RCAN2: variants seen among roughly 807,000 people sequenced by gnomAD.
The protein encoded by RCAN2 is calcipressin-2.
A neutral mutation model predicts 23.6 loss-of-function variants in RCAN2; 9 were observed. The observed-to-expected ratio is 0.38, with a 90% CI of 0.23 to 0.67. RCAN2 has a LOEUF of 0.67. RCAN2 is among the 30% of genes least tolerant of loss of function. The probability of loss-of-function intolerance (pLI) is 0.51; values close to 1 mark genes in which losing one functional copy is unlikely to be tolerated. For synonymous variants in RCAN2, 109 were observed against 115.7 expected (o/e 0.94, Z 0.37); for missense variants, 273 against 302.3 (o/e 0.90, Z 0.72).
intron 2 of RCAN2, among the ~76,000 whole-genome samples, chr6:46,408,247 G>C (rs1766456134): frequency 6.6e-6 from 1 of 152,116 alleles, no homozygotes; most frequent in African/African-American, 2.4e-5. Flanking sequence ...ATTTTGCTCA[G>C]GTACCTGTTT....
intron 4 of RCAN2, among the ~76,000 whole-genome samples, chr6:46,223,542 T>TCCTTTAC (rs1267280137): frequency 1.3e-5 from 2 of 152,168 alleles, no homozygotes; most frequent in African/African-American, 4.8e-5. Context: ...AGCCTCCACA[T>TCCTTTAC]CCTTTACCGT....
intron 2 of RCAN2, among the ~76,000 whole-genome samples, chr6:46,259,305 A>T (rs576542001): frequency 9.2e-5 from 14 of 152,358 alleles, no homozygotes; most frequent in Admixed American, 8.5e-4. Flanking sequence ...AAAATATATA[A>T]CCACATGAAT....
At chr6:46,468,490 G>C (rs866348868) in intron 1 of RCAN2, among the ~76,000 whole-genome samples, 1 of 152,146 alleles carries the variant, frequency 6.6e-6, no homozygotes, top group Non-Finnish European at 1.5e-5. Context: ...CACCACAGCC[G>C]CGCCAACGCC....
intron 2 of RCAN2, among the ~76,000 whole-genome samples, chr6:46,420,855 T>C (rs1766867400): frequency 1.3e-5 from 2 of 152,272 alleles, no homozygotes; most frequent in East Asian, 1.9e-4. Context: ...CCTGATCAAC[T>C]ATTTTTAACT....
In RCAN2 at chr6:46,346,934, G is replaced by C. The variant is rs925180280; in HGVS notation, c.226-98038C>G. Among the ~76,000 whole-genome samples the C allele has an allele frequency of 2.0e-5, 3 of 151,902 alleles. No homozygotes were observed. The South Asian group carries it at 6.2e-4, about 31-fold the overall frequency. On this transcript the variant is annotated intron_variant, in intron 2 of 4. Coordinates refer to ENST00000371374, the MANE Select transcript of RCAN2 (RefSeq NM_001251974.2). ...TCTGTCACCCAGGCTGGAGTGCAGTGGCGTGATCTCCGCTCACTGCAAGCT... is the reference window on the plus strand; with the variant it reads ...TCTGTCACCCAGGCTGGAGTGCAGTCGCGTGATCTCCGCTCACTGCAAGCT...
intron 2 of RCAN2, among the ~76,000 whole-genome samples, chr6:46,404,062 A>G (rs1401671113): frequency 6.6e-6 from 1 of 152,206 alleles, no homozygotes; most frequent in Non-Finnish European, 1.5e-5. Context: ...TCTCTACTAA[A>G]AATACAAAAA....
At chr6:46,411,283 G>A (rs1343540761) in intron 2 of RCAN2, among the ~76,000 whole-genome samples, 1 of 152,208 alleles carries the variant, frequency 6.6e-6, no homozygotes, top group African/African-American at 2.4e-5. Flanking sequence ...GGCACCTAGT[G>A]TAGTCAAATT....
chr6:46,339,278 A>G (rs2150371594), intron 2 of RCAN2, among the ~76,000 whole-genome samples: 1 of 152,240 alleles, frequency 6.6e-6, no homozygotes, highest in South Asian at 2.1e-4. Context: ...GTCATAAATG[A>G]TATGAATACA....
intron 2 of RCAN2, among the ~76,000 whole-genome samples, chr6:46,324,562 G>A (rs1763728383): frequency 6.6e-6 from 1 of 152,234 alleles, no homozygotes; most frequent in Admixed American, 6.5e-5. Flanking sequence ...ATGTGTGAGT[G>A]AACTGTTTAA....
rs1022167424 is a variant in RCAN2 at position 46,391,015 on chromosome 6, T to A, written c.225+65737A>T. 5.3e-5 allele frequency among the ~76,000 whole-genome samples: 8 copies of A among 152,262 alleles called. No individual in the cohort carries two copies. The East Asian group carries it at 7.7e-4, about 15-fold the overall frequency. ...AAGCTGAGGCAAAGTCCAGCTTGTC[T>A]AAAACCCACAGTTCCTGTGTCAGAG... On this transcript the variant is annotated intron_variant, in intron 2 of 4. Transcript: ENST00000371374.
At chr6:46,268,541 A>G (rs890699825) in intron 2 of RCAN2, among the ~76,000 whole-genome samples, 3 of 152,138 alleles carry the variant, frequency 2.0e-5, no homozygotes, top group Non-Finnish European at 4.4e-5. Context: ...ACATTGTGTG[A>G]GAAAACATCT....
intron 2 of RCAN2, among the ~76,000 whole-genome samples, chr6:46,252,307 C>T (rs1230733585): frequency 6.6e-6 from 1 of 152,202 alleles, no homozygotes; most frequent in Non-Finnish European, 1.5e-5. Context: ...CAGGTTCTCA[C>T]CAGGGACACA....
chr6:46,418,084 A>C (rs1766763185), intron 2 of RCAN2, among the ~76,000 whole-genome samples: 3 of 152,238 alleles, frequency 2.0e-5, no homozygotes, highest in African/African-American at 7.2e-5. Context: ...TGAGATTATT[A>C]TCACTATCCT....
At chr6:46,388,362 A>T (rs2150397064) in intron 2 of RCAN2, among the ~76,000 whole-genome samples, 1 of 152,288 alleles carries the variant, frequency 6.6e-6, no homozygotes, top group South Asian at 2.1e-4. Context: ...TGGGAATGTT[A>T]GTTCAACCAT....
chr6:46,300,407 T>C (rs183825273), intron 2 of RCAN2, among the ~76,000 whole-genome samples: 41 of 151,920 alleles, frequency 2.7e-4, no homozygotes, highest in Admixed American at 2.6e-3. Context: ...AAGGATGGAG[T>C]GACTATCTTA....
chr6:46,394,840 T>C (rs1049831983), intron 2 of RCAN2, among the ~76,000 whole-genome samples: 2 of 152,124 alleles, frequency 1.3e-5, no homozygotes, highest in African/African-American at 4.8e-5. Context: ...GAGATGACAA[T>C]AGCTTAGTCC....
chr6:46,293,063 T>C (rs1322948686), intron 2 of RCAN2, among the ~76,000 whole-genome samples: 2 of 152,234 alleles, frequency 1.3e-5, no homozygotes, highest in Non-Finnish European at 1.5e-5. Context: ...TCATCCTTTT[T>C]TAATGGTTGT....
intron 2 of RCAN2, among the ~76,000 whole-genome samples, chr6:46,452,113 CAAATATCATA>C (rs923864241): frequency 2.6e-4 from 40 of 152,054 alleles, no homozygotes; most frequent in African/African-American, 9.7e-4. Flanking sequence ...TCCCCAGAAC[CAAATATCATA>C]CCAGCTTTCA....
At chr6:46,430,161 C>T (rs572839492) in intron 2 of RCAN2, among the ~76,000 whole-genome samples, 2 of 152,290 alleles carry the variant, frequency 1.3e-5, no homozygotes, top group East Asian at 3.9e-4. Flanking sequence ...CAAGAGAGGA[C>T]CAGTCGCAGA....
Sources: gnomAD v4.1 joint callset for allele counts (sites outside exome capture counted in the v4.1 genomes callset) on GRCh38, gnomAD v4.1.1 for gene constraint, MANE v1.5 for transcripts, NCBI Gene and HGNC (gene_info 2026-07-23, HGNC 2026-07-21) for gene names.